The following ZHX2 variants were observed in gnomAD, a reference collection of about 807,000 sequenced individuals.
The protein encoded by ZHX2 is zinc fingers and homeoboxes 2.
Under a neutral mutation model 21.9 loss-of-function variants are expected in ZHX2, and 6 were observed. The observed-to-expected ratio is 0.27, with a 90% CI of 0.15 to 0.54. ZHX2 has a LOEUF of 0.54. ZHX2 is among the 20% of genes least tolerant of loss of function. ZHX2 has a pLI of 0.95. For synonymous variants in ZHX2, 434 were observed against 437.1 expected (o/e 0.99, Z 0.09); for missense variants, 908 against 1,090.7 (o/e 0.83, Z 2.36).
At chr8:122,856,744 C>T (rs1391220593) in intron 1 of ZHX2, among the ~76,000 whole-genome samples, 3 of 152,110 alleles carry the variant, frequency 2.0e-5, no homozygotes, top group Non-Finnish European at 2.9e-5. Context: ...TTCTAAAGAT[C>T]GCAGGGTGCC....
chr8:122,969,177 G>A (rs1365731988), intron 3 of ZHX2, among the ~76,000 whole-genome samples: 1 of 151,854 alleles, frequency 6.6e-6, no homozygotes, highest in Non-Finnish European at 1.5e-5. Flanking sequence ...AAAAGAGAGA[G>A]AGAGAAATAT....
chr8:122,880,043 G>A (rs1819672721), intron 2 of ZHX2, among the ~76,000 whole-genome samples: 1 of 146,618 alleles, frequency 6.8e-6, no homozygotes, highest in African/African-American at 2.5e-5. Flanking sequence ...TGCAATCTCA[G>A]CTCACTGCAA....
At chr8:122,889,389 G>T (rs1292136888) in intron 2 of ZHX2, among the ~76,000 whole-genome samples, 2 of 152,102 alleles carry the variant, frequency 1.3e-5, no homozygotes, top group Non-Finnish European at 2.9e-5. Context: ...ACCAGCATTT[G>T]TTATTTTTTG....
At chr8:122,954,193 T>C (rs997739447) in intron 3 of ZHX2, among the ~76,000 whole-genome samples, 165 bp downstream of exon 3, 21 of 152,258 alleles carry the variant, frequency 1.4e-4, no homozygotes, top group Admixed American at 1.3e-3. Context: ...ACATACAATA[T>C]GATGTTTTGA....
intron 1 of ZHX2, chr8:122,809,109 ACT>A (rs1255426782): frequency 6.6e-6 from 1 of 152,210 alleles, no homozygotes; most frequent in Non-Finnish European, 1.5e-5. Context: ...GGCCCGGGAG[ACT>A]CAGCCCCTGA....
At chr8:122,849,323 T>C (rs1818832487) in intron 1 of ZHX2, among the ~76,000 whole-genome samples, 1 of 152,184 alleles carries the variant, frequency 6.6e-6, no homozygotes, top group African/African-American at 2.4e-5. Context: ...GCTGTGTGGC[T>C]TTGGGCAAGT....
At chr8:122,849,227 T>C (rs931345677) in intron 1 of ZHX2, among the ~76,000 whole-genome samples, 5 of 152,184 alleles carry the variant, frequency 3.3e-5, no homozygotes, top group African/African-American at 1.2e-4. Flanking sequence ...GAGTCTCCGT[T>C]TCCCCATTGG....
intron 1 of ZHX2, among the ~76,000 whole-genome samples, chr8:122,799,039 T>C (rs16897451): frequency 0.021 from 3,270 of 152,286 alleles, 56 homozygotes; most frequent in South Asian, 0.046. Context: ...TCTGCTACTT[T>C]AAAATGTGCC....
At position 122,832,427 on chromosome 8, in the gene ZHX2, A is replaced by G. The variant is rs12678585; in HGVS notation, c.-282-31050A>G. ...CAAGCTGTTTGGAGAGGTAGGCAACAACCTGGAGGGTGGGTCCCTTAGACT... is the reference window on the plus strand; with the variant it reads ...CAAGCTGTTTGGAGAGGTAGGCAACGACCTGGAGGGTGGGTCCCTTAGACT... On this transcript the variant is annotated intron_variant, in intron 1 of 3. Coordinates refer to ENST00000314393, the MANE Select transcript of ZHX2 (RefSeq NM_014943.5). 5.9e-5 allele frequency among the ~76,000 whole-genome samples: 9 copies of G among 152,306 alleles called. No homozygotes were observed. The East Asian group carries it at 1.5e-3, about 26-fold the overall frequency.
rs1286069799 is a variant in ZHX2 at position 122,828,814 on chromosome 8, G to A, written c.-282-34663G>A. Among the ~76,000 whole-genome samples, 4 of 152,200 alleles carry A rather than the reference G, an allele frequency of 2.6e-5. No individual in the cohort carries two copies. Among genetic ancestry groups the A allele is most frequent in the African/African-American group, 4.8e-5 (2 of 41,450 alleles). On this transcript the variant is annotated intron_variant, in intron 1 of 3. Transcript: ENST00000314393. The surrounding 1 kb of genome is among the most constrained non-coding windows in gnomAD (Gnocchi z 5.2). The stretch of plus-strand genomic sequence containing the variant: ...TTGGGAATATAAATGAAGTACAACC[G>A]GTTTGGGCTCTACCCAGGGTGTTGT...
intron 2 of ZHX2, among the ~76,000 whole-genome samples, chr8:122,888,871 T>C (rs1819908764): frequency 6.6e-6 from 1 of 152,194 alleles, no homozygotes; most frequent in African/African-American, 2.4e-5. Flanking sequence ...TTTGTCTCCA[T>C]TTACCAGCCT....
intron 1 of ZHX2, among the ~76,000 whole-genome samples, chr8:122,820,507 G>C (rs1274655570): frequency 6.6e-6 from 1 of 152,204 alleles, no homozygotes; most frequent in Non-Finnish European, 1.5e-5. Context: ...CTGGAGAGTT[G>C]ACAGTTAAAA....
At chr8:122,944,655 G>C (rs930031401) in intron 2 of ZHX2, among the ~76,000 whole-genome samples, 2 of 152,104 alleles carry the variant, frequency 1.3e-5, no homozygotes, top group East Asian at 3.9e-4. Flanking sequence ...ATCCACCGCT[G>C]TATCTTCGGC....
intron 1 of ZHX2, among the ~76,000 whole-genome samples, chr8:122,810,760 T>TCCAAG (rs1441852676): frequency 2.6e-5 from 4 of 152,060 alleles, no homozygotes; most frequent in African/African-American, 9.7e-5. Context: ...GTGTTGTATG[T>TCCAAG]GAAATGGAAT....
At chr8:122,968,390 G>A (rs966520003) in intron 3 of ZHX2, among the ~76,000 whole-genome samples, 8 of 152,318 alleles carry the variant, frequency 5.3e-5, no homozygotes, top group East Asian at 1.9e-4. Flanking sequence ...CAAGCCTGGT[G>A]TACAGACAAT....
intron 1 of ZHX2, among the ~76,000 whole-genome samples, chr8:122,844,707 G>GTCTC (rs1018927180): frequency 2.6e-5 from 4 of 151,966 alleles, no homozygotes; most frequent in Admixed American, 6.6e-5. Flanking sequence ...TTCTCACTGA[G>GTCTC]TCTCTCTCTC....
chr8:122,826,804 T>C (rs1818274059), intron 1 of ZHX2, among the ~76,000 whole-genome samples: 1 of 151,820 alleles, frequency 6.6e-6, no homozygotes, highest in Admixed American at 6.6e-5. Flanking sequence ...CCAGAGAGAC[T>C]GTTACATGTG....
intron 1 of ZHX2, among the ~76,000 whole-genome samples, chr8:122,862,487 C>T (rs1037525348): frequency 2.6e-5 from 4 of 152,178 alleles, no homozygotes; most frequent in African/African-American, 9.6e-5. Context: ...ACAGGCTGCT[C>T]CCATACCGTA....
At chr8:122,972,872 G>C (rs1359446532) in intron 3 of ZHX2, among the ~76,000 whole-genome samples, 1 of 152,146 alleles carries the variant, frequency 6.6e-6, no homozygotes, top group African/African-American at 2.4e-5. Flanking sequence ...ATCCAGATTT[G>C]TCTGACTCCA....
Sources: gnomAD v4.1 joint callset for allele counts (sites outside exome capture counted in the v4.1 genomes callset) on GRCh38, gnomAD v4.1.1 for gene constraint, Gnocchi (gnomAD v3.1) non-coding constraint, MANE v1.5 for transcripts, NCBI Gene and HGNC (gene_info 2026-07-23, HGNC 2026-07-21) for gene names.